BABAM2: variants seen among roughly 807,000 people sequenced by gnomAD.
BABAM2 encodes BRISC and BRCA1 A complex member 2.
In BABAM2, 31 loss-of-function variants were observed where a neutral mutation model predicts 54.7. The ratio of observed to expected loss-of-function variants is 0.57; its 90% CI spans 0.43 to 0.77. BABAM2 has a LOEUF of 0.77. Among genes scored for constraint, BABAM2 ranks in the 30% least tolerant of loss-of-function variants. The pLI is 0.00. For synonymous variants in BABAM2, 167 were observed against 162.9 expected (o/e 1.03, Z -0.19); for missense variants, 364 against 455.8 (o/e 0.80, Z 1.83).
At chr2:28,258,328 A>G (rs577540281) in intron 10 of BABAM2, among the ~76,000 whole-genome samples, 2 of 152,312 alleles carry the variant, frequency 1.3e-5, no homozygotes, top group East Asian at 3.9e-4. Flanking sequence ...TGGTGCACGT[A>G]TTTTAACTCA....
intron 11 of BABAM2, among the ~76,000 whole-genome samples, chr2:28,316,407 AGTGGGGGTGGGGGTGGGG>A (rs1195024001): frequency 1.0e-3 from 14 of 13,716 alleles, no homozygotes; most frequent in South Asian, 3.4e-3. Flanking sequence ...TGGGGGTGGG[AGTGGGGGTGGGGGTGGGG>A]GTGGGGGTGG....
At chr2:27,965,377 G>A (rs767865311) in intron 3 of BABAM2, among the ~76,000 whole-genome samples, 9 of 152,058 alleles carry the variant, frequency 5.9e-5, no homozygotes, top group Non-Finnish European at 1.3e-4. Context: ...AAAGAGAATG[G>A]TATAATGAAC....
At chr2:27,954,558 A>G (rs564131557) in intron 3 of BABAM2, among the ~76,000 whole-genome samples, 7 of 152,192 alleles carry the variant, frequency 4.6e-5, no homozygotes, top group Non-Finnish European at 4.4e-5. Context: ...ATTAGTATGG[A>G]AAGTGTTGTG....
chr2:28,250,079 A>C (rs1184314718), intron 10 of BABAM2, among the ~76,000 whole-genome samples: 5 of 152,170 alleles, frequency 3.3e-5, no homozygotes, highest in Non-Finnish European at 7.3e-5. Flanking sequence ...TGCTGTGAGG[A>C]AGATGAGGAA....
intron 11 of BABAM2, among the ~76,000 whole-genome samples, chr2:28,312,945 C>T (rs1156414132): frequency 6.6e-6 from 1 of 152,150 alleles, no homozygotes; most frequent in Non-Finnish European, 1.5e-5. Context: ...ACCCTATGCC[C>T]CTGATTACTG....
intron 6 of BABAM2, among the ~76,000 whole-genome samples, chr2:28,118,452 G>A (rs1427444644): frequency 6.6e-6 from 1 of 152,102 alleles, no homozygotes; most frequent in East Asian, 1.9e-4. Context: ...GTTTTGATTT[G>A]CATTTCTCTG....
chr2:28,222,066 C>A (rs1421914412), intron 7 of BABAM2, among the ~76,000 whole-genome samples: 1 of 152,170 alleles, frequency 6.6e-6, no homozygotes, highest in African/African-American at 2.4e-5. Flanking sequence ...GAGCCTGGGG[C>A]CCCATCGAAT....
chr2:28,183,006 G>C (rs74547670), intron 7 of BABAM2, among the ~76,000 whole-genome samples: 1 of 152,134 alleles, frequency 6.6e-6, no homozygotes, highest in East Asian at 1.9e-4. Flanking sequence ...ACTGCCTTAG[G>C]GTTGGGAAGA....
intron 7 of BABAM2, among the ~76,000 whole-genome samples, chr2:28,134,023 A>G (rs772719305): frequency 4.6e-5 from 7 of 152,142 alleles, no homozygotes; most frequent in Non-Finnish European, 1.0e-4. Context: ...GCGCATTTCT[A>G]TGACTTGCAG....
intron 7 of BABAM2, among the ~76,000 whole-genome samples, chr2:28,205,458 G>C (rs1416893169): frequency 6.6e-6 from 1 of 152,114 alleles, no homozygotes; most frequent in Non-Finnish European, 1.5e-5. Context: ...AGCTGAGATT[G>C]TGCCACTGCG....
chr2:28,211,756 A>T (rs966863015), intron 7 of BABAM2, among the ~76,000 whole-genome samples: 1 of 152,058 alleles, frequency 6.6e-6, no homozygotes, highest in African/African-American at 2.4e-5. Context: ...ATTAAATCCA[A>T]TCACAGACAT....
intron 7 of BABAM2, among the ~76,000 whole-genome samples, chr2:28,180,425 G>A (rs375804666): frequency 1.3e-5 from 2 of 151,810 alleles, no homozygotes; most frequent in African/African-American, 2.4e-5. Context: ...GCCACGGAAC[G>A]AAACTAGACC....
At chr2:28,241,851 G>T (rs1384905947) in intron 9 of BABAM2, among the ~76,000 whole-genome samples, 1 of 138,154 alleles carries the variant, frequency 7.2e-6, no homozygotes, top group African/African-American at 2.7e-5. Flanking sequence ...TCATACCAAA[G>T]CTCCCAGGAT....
chr2:28,334,103 C>T (rs973667865), intron 11 of BABAM2, among the ~76,000 whole-genome samples: 3 of 152,202 alleles, frequency 2.0e-5, no homozygotes, highest in Non-Finnish European at 4.4e-5. Context: ...CTTTAAATAG[C>T]CCTCGCCACG....
At chr2:28,051,735 A>G (rs916943536) in intron 6 of BABAM2, among the ~76,000 whole-genome samples, 1 of 151,166 alleles carries the variant, frequency 6.6e-6, no homozygotes, top group Non-Finnish European at 1.5e-5. Flanking sequence ...TGCAACCTCC[A>G]CCTCCCAGGT....
chr2:28,026,903 T>G (rs1434943906), intron 5 of BABAM2, among the ~76,000 whole-genome samples: 1 of 52,346 alleles, frequency 1.9e-5, no homozygotes, highest in Non-Finnish European at 3.7e-5. Context: ...TATAAATATA[T>G]ATAAATATAT....
intron 7 of BABAM2, among the ~76,000 whole-genome samples, chr2:28,226,821 A>ACCT (rs2148028776): frequency 1.3e-5 from 2 of 151,850 alleles, no homozygotes; most frequent in South Asian, 4.2e-4. Context: ...CCCCAGTGAG[A>ACCT]AGTTCAGTAG....
At chr2:28,128,386 G>T (rs144405619) in intron 6 of BABAM2, among the ~76,000 whole-genome samples, 1 of 152,176 alleles carries the variant, frequency 6.6e-6, no homozygotes, top group African/African-American at 2.4e-5. Context: ...TGTGTGCCAC[G>T]AGATTTATTT....
chr2:28,220,000 C>T (rs1476679234), intron 7 of BABAM2, among the ~76,000 whole-genome samples: 2 of 152,190 alleles, frequency 1.3e-5, no homozygotes, highest in African/African-American at 4.8e-5. Context: ...CCTCACTTGT[C>T]TCAGCACCTG....
Sources: gnomAD v4.1 joint callset for allele counts (sites outside exome capture counted in the v4.1 genomes callset) on GRCh38, gnomAD v4.1.1 for gene constraint, MANE v1.5 for transcripts, NCBI Gene and HGNC (gene_info 2026-07-23, HGNC 2026-07-21) for gene names.